The following ACIN1 variants were observed in gnomAD, a reference collection of about 807,000 sequenced individuals.
ACIN1 encodes the protein apoptotic chromatin condensation inducer in the nucleus.
Under a neutral mutation model 146.6 loss-of-function variants are expected in ACIN1, and 16 were observed. The ratio of observed to expected loss-of-function variants is 0.11; its 90% CI spans 0.07 to 0.17. The LOEUF is 0.17. Among genes scored for constraint, ACIN1 ranks in the 10% least tolerant of loss-of-function variants. The pLI is 1.00. For missense variants in ACIN1, 1,357 were observed against 1,609.3 expected (o/e 0.84, Z 2.68); for synonymous variants, 569 against 582.7 (o/e 0.98, Z 0.34).
intron 1 of ACIN1, chr14:23,094,725 C>G (rs967284118): frequency 1.4e-6 from 1 of 692,692 alleles, no homozygotes; most frequent in Admixed American, 3.3e-5. Flanking sequence ...GAGGAAGGAG[C>G]TTAAGACACT....
intron 9 of ACIN1, chr14:23,069,095 C>T (rs2140058016): frequency 3.0e-6 from 3 of 994,300 alleles, no homozygotes; most frequent in East Asian, 2.2e-4. Context: ...CACTAGATGG[C>T]GTTGGGCTCC....
At chr14:23,082,437 A>ATTTTTTTTTTT (rs11378976) in intron 4 of ACIN1, among the ~76,000 whole-genome samples, 1 of 95,816 alleles carries the variant, frequency 1.0e-5, no homozygotes, top group Non-Finnish European at 2.0e-5. Context: ...AGAGCTCAAT[A>ATTTTTTTTTTT]TTTTTTTTTT....
upstream of ACIN1, chr14:23,095,580 T>C (rs2048357306): frequency 2.4e-6 from 1 of 409,206 alleles, no homozygotes; most frequent in East Asian, 4.4e-5. Flanking sequence ...GTCTAAGGAC[T>C]CGTGACAATC....
chr14:23,061,642 A>T lies in ACIN1; in HGVS notation c.3100-20T>A. The T allele has an allele frequency of 2.0e-6, 3 of 1,508,950 alleles. No homozygotes were observed. In the South Asian group the frequency reaches 3.9e-5, roughly 20 times the overall value. 93.5% of individuals were successfully genotyped at this position (1,508,950 alleles called of 1,614,324 possible). On this transcript the variant is annotated intron_variant, in intron 16 of 18. Transcript: ENST00000605057. ...ATCCAGCTGTGGGGAGAGGAGGGACAAGGACAGTTAGGATAGAGGTGATAT... is the reference window on the plus strand; with the variant it reads ...ATCCAGCTGTGGGGAGAGGAGGGACTAGGACAGTTAGGATAGAGGTGATAT...
In ACIN1 at chr14:23,075,829, T is replaced by C. The variant is rs186536776; in HGVS notation, c.2123+2322A>G. Among the ~76,000 whole-genome samples the C allele has an allele frequency of 9.5e-4, 144 of 152,194 alleles. 1 individual carries two copies. The highest frequency in any genetic ancestry group is 3.3e-3 in the African/African-American group (135 of 41,538). ...AGGCGATTCTCCTGTCTCAGCCTCC[T>C]GAGTAACTGGGATTACAGGTGCACA... On this transcript the variant is annotated intron_variant, in intron 8 of 18. Transcript: ENST00000605057.
At chr14:23,088,665 T>C (rs2048147454) in intron 4 of ACIN1, among the ~76,000 whole-genome samples, 1 of 152,222 alleles carries the variant, frequency 6.6e-6, no homozygotes, top group Non-Finnish European at 1.5e-5. Context: ...ACACTAATTA[T>C]TCAAAATACT....
chr14:23,069,648 G>GGGGGGGGGGGGGCCC, intron 8 of ACIN1, 31 bp from the exon 9 acceptor site: 1 of 589,376 alleles, frequency 1.7e-6, no homozygotes, highest in Non-Finnish European at 3.2e-6. Context: ...TGGTGGGGGG[G>GGGGGGGGGGGGGCCC]CGGGCAGAAA....
chr14:23,085,692 T>C (rs2048073617), intron 4 of ACIN1, among the ~76,000 whole-genome samples: 1 of 152,218 alleles, frequency 6.6e-6, no homozygotes, highest in Non-Finnish European at 1.5e-5. Context: ...GAATCTCTAG[T>C]TCCTTGGAAA....
rs930360880 is a variant in ACIN1 at position 23,093,467 on chromosome 14, CTTCT to C, written c.204+8_204+11del. ...AAAGGGCCCACTCCATTGAATACACCTTCTTTCTCACCTGGGAATTTGGCTGGAA... is the reference window on the plus strand; with the variant it reads ...AAAGGGCCCACTCCATTGAATACACCTTCTCACCTGGGAATTTGGCTGGAA... On this transcript the variant is annotated splice_region_variant and intron_variant, in intron 2 of 18. Coordinates refer to ENST00000605057, the MANE Select transcript of ACIN1 (RefSeq NM_001386863.1). The C allele has an allele frequency of 1.2e-6, 2 of 1,612,668 alleles. No individual in the cohort carries two copies. The highest frequency in any genetic ancestry group is 1.7e-6 in the Non-Finnish European group (2 of 1,178,856).
chr14:23,086,486 G>A (rs1270116425), intron 4 of ACIN1, among the ~76,000 whole-genome samples: 2 of 152,138 alleles, frequency 1.3e-5, no homozygotes, highest in African/African-American at 4.8e-5. Context: ...AGAAAGTGAT[G>A]GAGACATAAG....
At chr14:23,064,285 T>C in intron 11 of ACIN1, 28 bp from the exon 12 acceptor site, 3 of 1,614,044 alleles carry the variant, frequency 1.9e-6, no homozygotes, top group Non-Finnish European at 2.5e-6. Flanking sequence ...CCCACCCCGT[T>C]ACACTGGGCC....
At chr14:23,081,106 G>C (rs547571291) in intron 5 of ACIN1, among the ~76,000 whole-genome samples, 7 of 151,822 alleles carry the variant, frequency 4.6e-5, no homozygotes, top group African/African-American at 1.7e-4. Context: ...GAAAGTAAAA[G>C]GGTGGATAGG....
chr14:23,071,186 T>C, intron 8 of ACIN1: 2 of 1,535,078 alleles, frequency 1.3e-6, no homozygotes, highest in African/African-American at 1.4e-5. Context: ...TTTATCCCTT[T>C]CTGGAATGGA....
intron 12 of ACIN1, 52 bp from the exon 13 acceptor site, chr14:23,063,629 ATTCT>A: frequency 1.9e-6 from 3 of 1,607,796 alleles, no homozygotes; most frequent in Non-Finnish European, 2.6e-6. Flanking sequence ...AAACTGGCAT[ATTCT>A]TTTCAGCCTC....
rs2047499662 is a variant in ACIN1, at chr14:23,067,596, G to A, written c.2266-1588C>T. The A allele has an allele frequency of 4.1e-6, 4 of 985,932 alleles. No homozygotes were observed. The highest frequency in any genetic ancestry group is 1.7e-5 in the African/African-American group (1 of 57,334). The allele number at this position is 985,932 out of a possible 1,614,324, so 61.1% of individuals were successfully genotyped here. On this transcript the variant is annotated intron_variant, in intron 9 of 18. Transcript: ENST00000605057. This position sits in a 1 kb window ranked among gnomAD's most constrained non-coding sequence, Gnocchi z 4.6. The stretch of plus-strand genomic sequence containing the variant: ...CCAGGCTCAGCGAGGGATAGAGGGG[G>A]GAAAGGGGCAGAGACATCAGTCCTG...
intron 4 of ACIN1, among the ~76,000 whole-genome samples, 179 bp downstream of exon 4, chr14:23,089,803 T>C (rs1008917211): frequency 6.6e-6 from 1 of 152,040 alleles, no homozygotes; most frequent in African/African-American, 2.4e-5. Flanking sequence ...ACACAATATA[T>C]AGGTGAAAGC....
At chr14:23,069,642 G>T in intron 8 of ACIN1, 25 bp from the exon 9 acceptor site, 1 of 1,301,644 alleles carries the variant, frequency 7.7e-7, no homozygotes, top group South Asian at 1.2e-5. Context: ...GAGTGGTGGT[G>T]GGGGGGCGGG....
rs756866898 is a variant in ACIN1, at chr14:23,080,753, T to C, written c.582A>G (p.Gln194=). Residue 194 remains glutamine (Q), a synonymous_variant, in exon 6 of 19, where the codon CAA becomes CAG. Coordinates refer to ENST00000605057, the MANE Select transcript of ACIN1 (RefSeq NM_001386863.1). ...GSQPAEEEED[Q]ETPSRNLRVR... Reference sequence around the variant, plus strand: ...CCCTTAGGTTTCTGGAAGGTGTTTCTTGATCCTCTTCCTCCTCAGCAGGTT... The same window carrying C: ...CCCTTAGGTTTCTGGAAGGTGTTTCCTGATCCTCTTCCTCCTCAGCAGGTT... 1 of 1,613,666 alleles carries C rather than the reference T, an allele frequency of 6.2e-7. No homozygotes were observed. Among genetic ancestry groups the C allele is most frequent in the South Asian group, 1.1e-5 (1 of 91,066 alleles).
rs1212593127 is a variant in ACIN1 at position 23,067,566 on chromosome 14, G to A, written c.2266-1558C>T. 4 of 985,808 alleles carry A rather than the reference G, an allele frequency of 4.1e-6. No homozygotes were observed. Among genetic ancestry groups the A allele is most frequent in the Non-Finnish European group, 4.8e-6 (4 of 830,068 alleles). The allele number at this position is 985,808 out of a possible 1,614,324, so 61.1% of individuals were successfully genotyped here. On this transcript the variant is annotated intron_variant, in intron 9 of 18. Transcript: ENST00000605057. The surrounding 1 kb of genome is among the most constrained non-coding windows in gnomAD (Gnocchi z 4.6). ...CATGATGTCAAGACAGTTCACTGGCGGTGGCCAGGCTCAGCGAGGGATAGA... is the reference window on the plus strand; with the variant it reads ...CATGATGTCAAGACAGTTCACTGGCAGTGGCCAGGCTCAGCGAGGGATAGA...
Sources: gnomAD v4.1 joint callset for allele counts (sites outside exome capture counted in the v4.1 genomes callset) on GRCh38, gnomAD v4.1.1 for gene constraint, Gnocchi (gnomAD v3.1) non-coding constraint, MANE v1.5 for transcripts, NCBI Gene and HGNC (gene_info 2026-07-23, HGNC 2026-07-21) for gene names.